ACSM2B: variants seen among roughly 807,000 people sequenced by gnomAD.
The protein encoded by ACSM2B is acyl-CoA synthetase medium chain family member 2B, also known as acyl-coenzyme A synthetase ACSM2B, mitochondrial.
ACSM2B carries 58 observed loss-of-function variants against 78.6 expected under a neutral mutation model. The ratio of observed to expected loss-of-function variants is 0.74; its 90% CI spans 0.60 to 0.92. ACSM2B has a LOEUF of 0.92. Ranked by LOEUF, ACSM2B falls within the 40% of genes least tolerant of loss-of-function variation. ACSM2B has a pLI of 0.00. For synonymous variants in ACSM2B, 257 were observed against 256.8 expected (o/e 1.00, Z -0.01); for missense variants, 688 against 711.2 (o/e 0.97, Z 0.37).
chr16:20,537,790 T>C (rs750771209), intron 13 of ACSM2B, among the ~76,000 whole-genome samples: 8 of 152,196 alleles, frequency 5.3e-5, no homozygotes, highest in Admixed American at 2.0e-4. Context: ...TTATGCAGGC[T>C]AAGTTATTGG....
rs2015728653 is a variant in ACSM2B at position 20,563,483 on chromosome 16, G to A, written c.177+1186C>T. ...TTTGTGAATTGAGAGATTTTTTGAT[G>A]TTTATATAGCAAATTTACTTTTATG... is the stretch of plus-strand genomic sequence containing the variant. On this transcript the variant is annotated intron_variant, in intron 2 of 13. Coordinates refer to ENST00000329697, the MANE Select transcript of ACSM2B (RefSeq NM_001105069.2). 2.6e-5 allele frequency among the ~76,000 whole-genome samples: 4 copies of A among 151,950 alleles called. No individual in the cohort carries two copies. In the South Asian group the frequency reaches 8.3e-4, roughly 31 times the overall value.
At chr16:20,554,603 G>A (rs1015596778) in intron 4 of ACSM2B, among the ~76,000 whole-genome samples, 6 of 152,172 alleles carry the variant, frequency 3.9e-5, no homozygotes, top group African/African-American at 1.2e-4. Flanking sequence ...TCTTGCTATC[G>A]GCTTTTGGAA....
At position 20,537,090 on chromosome 16, in the gene ACSM2B, A is replaced by G; in HGVS notation, c.*168T>C. 1 of 750,304 alleles carries G rather than the reference A, an allele frequency of 1.3e-6. No individual in the cohort carries two copies. Among genetic ancestry groups the G allele is most frequent in the Non-Finnish European group, 2.1e-6 (1 of 470,138 alleles). 46.5% of individuals were successfully genotyped at this position (750,304 alleles called of 1,614,324 possible). ...CTCTCTCTCATTCCTTCCCTTTCTT[A>G]TTTCAATATCTAACATAGTAATGTT... On this transcript the variant is annotated 3_prime_UTR_variant, in exon 14 of 14. Coordinates refer to ENST00000329697, the MANE Select transcript of ACSM2B (RefSeq NM_001105069.2).
intron 12 of ACSM2B, 140 bp from the exon 13 acceptor site, chr16:20,540,913 G>A: frequency 7.7e-7 from 1 of 1,295,568 alleles, no homozygotes; most frequent in Non-Finnish European, 1.0e-6. Flanking sequence ...CAAGGGAAAG[G>A]GAGAAACTGG....
chr16:20,564,460 T>C (rs1252799126), intron 2 of ACSM2B, among the ~76,000 whole-genome samples: 2 of 152,164 alleles, frequency 1.3e-5, no homozygotes, highest in African/African-American at 4.8e-5. Context: ...AGTTACCAGG[T>C]TGCCACACTC....
intron 1 of ACSM2B, chr16:20,574,031 G>A (rs2152155346): frequency 6.6e-6 from 1 of 152,176 alleles, no homozygotes; most frequent in South Asian, 2.1e-4. Flanking sequence ...TGAGGGTACT[G>A]CAGGACACCA....
At chr16:20,554,102 A>C in intron 4 of ACSM2B, 182 bp from the exon 5 acceptor site, 2 of 971,350 alleles carry the variant, frequency 2.1e-6, no homozygotes, top group South Asian at 2.8e-5. Context: ...GGGTTTGAAA[A>C]CTACTCAAGT....
At chr16:20,563,771 G>A (rs11648914) in intron 2 of ACSM2B, among the ~76,000 whole-genome samples, 25,138 of 149,752 alleles carry the variant, frequency 0.17, 1,878 homozygotes, top group East Asian at 0.56. Context: ...TGTCATAATC[G>A]TGACTCTTTT....
rs1309179820 is a variant in ACSM2B, at chr16:20,566,650, CTA to C, written c.-8-1799_-8-1798del. On this transcript the variant is annotated intron_variant, in intron 1 of 13. Transcript: ENST00000329697. The stretch of plus-strand genomic sequence containing the variant: ...CTATATATAGTATATATATACTATA[CTA>C]TATATATGTATATATAGTATATACA... Among the ~76,000 whole-genome samples the C allele has an allele frequency of 2.3e-3, 84 of 36,062 alleles. 1 individual carries two copies. The highest frequency in any genetic ancestry group is 0.026 in the Middle Eastern group (1 of 38). 23.7% of individuals were successfully genotyped at this position (36,062 alleles called of 152,430 possible). A position where few individuals can be genotyped will look rare whatever the true frequency, so the allele number is the denominator to read the frequency against.
At chr16:20,551,946 A>C (rs11074460) in intron 6 of ACSM2B, among the ~76,000 whole-genome samples, 198 bp downstream of exon 6, 1 of 152,104 alleles carries the variant, frequency 6.6e-6, no homozygotes, top group South Asian at 2.1e-4. Context: ...CCTTTTATCT[A>C]TATATGTGCC....
chr16:20,560,358 G>T (rs1410536903), intron 2 of ACSM2B, among the ~76,000 whole-genome samples: 1 of 151,940 alleles, frequency 6.6e-6, no homozygotes, highest in African/African-American at 2.4e-5. Flanking sequence ...CCTCATGAAT[G>T]GCTTAGCACC....
At chr16:20,550,007 T>A (rs7499925) in intron 6 of ACSM2B, 8,091 of 275,784 alleles carry the variant, frequency 0.029, 303 homozygotes, top group East Asian at 0.17. Flanking sequence ...AATTTTTTTT[T>A]ATCAGACTTA....
At chr16:20,549,371 C>A (rs1346880164) in intron 6 of ACSM2B, among the ~76,000 whole-genome samples, 1 of 152,052 alleles carries the variant, frequency 6.6e-6, no homozygotes, top group Non-Finnish European at 1.5e-5. Context: ...AACCTTCTTG[C>A]TGATGGGGAC....
chr16:20,551,202 G>GA (rs1884565332), intron 6 of ACSM2B, among the ~76,000 whole-genome samples: 1 of 152,156 alleles, frequency 6.6e-6, no homozygotes, highest in South Asian at 2.1e-4. Context: ...TACTGTCAGA[G>GA]AAGGGGTATG....
intron 13 of ACSM2B, among the ~76,000 whole-genome samples, chr16:20,539,042 C>A (rs1505107): frequency 3.3e-5 from 5 of 151,716 alleles, no homozygotes; most frequent in South Asian, 2.1e-4. Context: ...CACCTGTGAC[C>A]GTAAAGACCC....
intron 2 of ACSM2B, among the ~76,000 whole-genome samples, chr16:20,560,351 C>G (rs1449137982): frequency 6.6e-6 from 1 of 151,958 alleles, no homozygotes; most frequent in African/African-American, 2.4e-5. Context: ...GTGGGACCCT[C>G]ATGAATGGCT....
chr16:20,568,875 C>T (rs1427888003), intron 1 of ACSM2B, among the ~76,000 whole-genome samples: 5 of 151,622 alleles, frequency 3.3e-5, no homozygotes, highest in African/African-American at 4.8e-5. Flanking sequence ...ATTGTCTATT[C>T]GTATCCTTAG....
At chr16:20,546,296 C>T (rs2015140126) in intron 9 of ACSM2B, 98 bp downstream of exon 9, 18 of 1,486,488 alleles carry the variant, frequency 1.2e-5, no homozygotes, top group Admixed American at 6.1e-5. Context: ...AATATCAGTA[C>T]TTTCTATTAT....
chr16:20,554,216 G>C, intron 4 of ACSM2B: 1 of 530,030 alleles, frequency 1.9e-6, no homozygotes, highest in South Asian at 1.7e-5. Context: ...GAGTTATTGA[G>C]AAAGTTAACT....
Sources: gnomAD v4.1 joint callset for allele counts (sites outside exome capture counted in the v4.1 genomes callset) on GRCh38, gnomAD v4.1.1 for gene constraint, MANE v1.5 for transcripts, NCBI Gene and HGNC (gene_info 2026-07-23, HGNC 2026-07-21) for gene names.